Variants in MIR2052HG observed in about 807,000 individuals in gnomAD.
MIR2052HG encodes the protein MIR2052 host gene.
chr8:74,670,567 G>A (rs568729723), intron 2 of MIR2052HG, among the ~76,000 whole-genome samples: 7 of 152,226 alleles, frequency 4.6e-5, no homozygotes, highest in South Asian at 4.1e-4. Context: ...CAAGAGATAC[G>A]CTAATCACTA....
intron 2 of MIR2052HG, among the ~76,000 whole-genome samples, chr8:74,646,946 A>G (rs1808694904): frequency 6.6e-6 from 1 of 152,042 alleles, no homozygotes; most frequent in South Asian, 2.1e-4. Context: ...AAATAAATAA[A>G]TAAATATTAT....
intron 2 of MIR2052HG, among the ~76,000 whole-genome samples, chr8:74,694,811 C>A (rs1378848737): frequency 6.6e-6 from 1 of 151,870 alleles, no homozygotes. Flanking sequence ...ATGAACAAAG[C>A]CTCCAGGAAG....
chr8:74,635,239 GA>G (rs965089081), intron 2 of MIR2052HG, among the ~76,000 whole-genome samples: 8 of 149,984 alleles, frequency 5.3e-5, no homozygotes, highest in South Asian at 4.2e-4. Flanking sequence ...CACAAAAACA[GA>G]TTTTTTTTTT....
chr8:74,739,028 TA>T (rs1809799594), intron 4 of MIR2052HG, among the ~76,000 whole-genome samples: 1 of 152,234 alleles, frequency 6.6e-6, no homozygotes, highest in Non-Finnish European at 1.5e-5. Flanking sequence ...ATAAAGTTTT[TA>T]AAGTTCATTA....
intron 2 of MIR2052HG, among the ~76,000 whole-genome samples, chr8:74,613,562 G>A (rs931963282): frequency 1.3e-5 from 2 of 152,098 alleles, no homozygotes; most frequent in African/African-American, 4.8e-5. Context: ...TTGGCTCACT[G>A]CAACTTCCGC....
chr8:74,738,133 G>GTATCTATCTATCTATC (rs56976671), intron 4 of MIR2052HG, among the ~76,000 whole-genome samples: 1 of 149,512 alleles, frequency 6.7e-6, no homozygotes, highest in African/African-American at 2.5e-5. Context: ...ATGTATGTAT[G>GTATCTATCTATCTATC]TATCTATCTA....
chr8:74,655,830 C>A (rs1425671207), intron 2 of MIR2052HG, among the ~76,000 whole-genome samples: 3 of 152,150 alleles, frequency 2.0e-5, no homozygotes, highest in Non-Finnish European at 4.4e-5. Context: ...TGACAGCTTG[C>A]ACCGTGCACC....
chr8:74,724,938 A>T (rs981953397), intron 4 of MIR2052HG, among the ~76,000 whole-genome samples: 4 of 152,136 alleles, frequency 2.6e-5, no homozygotes, highest in Non-Finnish European at 4.4e-5. Flanking sequence ...CCATAGCTCC[A>T]GATGAGAAAA....
intron 2 of MIR2052HG, among the ~76,000 whole-genome samples, chr8:74,627,811 T>A (rs1187246421): frequency 6.6e-6 from 1 of 152,184 alleles, no homozygotes; most frequent in Non-Finnish European, 1.5e-5. Context: ...ATAAGCATTT[T>A]AAAAAAATGA....
rs201631380 is a variant in MIR2052HG, at chr8:74,622,637, AC to A, written n.216+9698del. ...AGAAAAAAAATTTTAAAAAGAAAAG[AC>A]GAAAAAAGAAAAAAATGCTCAACAT... On this transcript the variant is annotated intron_variant and non_coding_transcript_variant, in intron 2 of 6. Transcript: ENST00000523442. 4.9e-3 allele frequency among the ~76,000 whole-genome samples: 752 copies of A among 152,142 alleles called. 11 individuals carry two copies. Among genetic ancestry groups the A allele is most frequent in the African/African-American group, 0.017 (702 of 41,520 alleles).
intron 2 of MIR2052HG, among the ~76,000 whole-genome samples, chr8:74,616,782 C>G (rs1586890615): frequency 6.6e-6 from 1 of 152,172 alleles, no homozygotes; most frequent in East Asian, 1.9e-4. Context: ...TTTGACCCAT[C>G]ACAGCACCAA....
intron 2 of MIR2052HG, among the ~76,000 whole-genome samples, chr8:74,614,855 T>C (rs1808255690): frequency 6.6e-6 from 1 of 152,152 alleles, no homozygotes; most frequent in African/African-American, 2.4e-5. Flanking sequence ...TTTCATCTTT[T>C]TTTTTTTTCA....
intron 2 of MIR2052HG, among the ~76,000 whole-genome samples, chr8:74,651,848 A>T (rs1332895594): frequency 6.6e-6 from 1 of 152,168 alleles, no homozygotes; most frequent in Non-Finnish European, 1.5e-5. Flanking sequence ...TGGTATGTGA[A>T]ATCAAAGTGT....
intron 5 of MIR2052HG, among the ~76,000 whole-genome samples, chr8:74,753,460 A>G (rs902143771): frequency 6.6e-6 from 1 of 152,214 alleles, no homozygotes; most frequent in Admixed American, 6.5e-5. Flanking sequence ...ATTCCATACT[A>G]AGACTGAGAA....
chr8:74,684,562 C>T (rs1244516937), intron 2 of MIR2052HG, among the ~76,000 whole-genome samples: 4 of 151,902 alleles, frequency 2.6e-5, no homozygotes, highest in African/African-American at 7.2e-5. Flanking sequence ...GAACAATAAT[C>T]GAATCCACCA....
chr8:74,614,948 T>C (rs1431152122), intron 2 of MIR2052HG: 1 of 152,216 alleles, frequency 6.6e-6, no homozygotes, highest in Non-Finnish European at 1.5e-5. Context: ...GTTTCAGAAT[T>C]CCTCTATAGC....
chr8:74,606,123 G>A (rs2128730737), intron 1 of MIR2052HG, among the ~76,000 whole-genome samples: 1 of 152,360 alleles, frequency 6.6e-6, no homozygotes, highest in East Asian at 1.9e-4. Flanking sequence ...AACAGTTCCA[G>A]GTGCAGGGGC....
At chr8:74,634,291 C>T (rs987186218) in intron 2 of MIR2052HG, among the ~76,000 whole-genome samples, 2 of 152,054 alleles carry the variant, frequency 1.3e-5, no homozygotes, top group Non-Finnish European at 2.9e-5. Context: ...ACCAGATTAC[C>T]AGTGTATTAG....
At chr8:74,641,411 A>G (rs1293771717) in intron 2 of MIR2052HG, among the ~76,000 whole-genome samples, 2 of 152,134 alleles carry the variant, frequency 1.3e-5, no homozygotes, top group Non-Finnish European at 2.9e-5. Context: ...TTGCTTGGTT[A>G]TTTTGAACTG....
Sources: gnomAD v4.1 joint callset for allele counts (sites outside exome capture counted in the v4.1 genomes callset) on GRCh38, gnomAD v4.1.1 for gene constraint, MANE v1.5 for transcripts, NCBI Gene and HGNC (gene_info 2026-07-23, HGNC 2026-07-21) for gene names.